The following PRKCB variants were observed in gnomAD, a reference collection of about 807,000 sequenced individuals.
PRKCB encodes protein kinase C beta type.
PRKCB carries 13 observed loss-of-function variants against 81.5 expected under a neutral mutation model. The observed-to-expected ratio is 0.16, with a 90% CI of 0.10 to 0.25. PRKCB has a LOEUF of 0.25. PRKCB is among the 10% of genes least tolerant of loss of function. The pLI is 1.00. For synonymous variants in PRKCB, 335 were observed against 321.4 expected (o/e 1.04, Z -0.45); for missense variants, 509 against 875.7 (o/e 0.58, Z 5.29).
chr16:24,086,622 G>A (rs1158344356), intron 5 of PRKCB, among the ~76,000 whole-genome samples: 2 of 152,210 alleles, frequency 1.3e-5, no homozygotes, highest in Non-Finnish European at 2.9e-5. Context: ...CTTGGAAACT[G>A]TAAAAGCACA....
intron 5 of PRKCB, among the ~76,000 whole-genome samples, chr16:24,089,613 T>A (rs965468711): frequency 1.3e-5 from 2 of 152,030 alleles, no homozygotes; most frequent in Non-Finnish European, 2.9e-5. Flanking sequence ...CTACAAAAAT[T>A]TTTTTAAAAA....
intron 2 of PRKCB, among the ~76,000 whole-genome samples, chr16:23,918,868 A>G (rs1963783030): frequency 6.6e-6 from 1 of 152,260 alleles, no homozygotes; most frequent in Non-Finnish European, 1.5e-5. Flanking sequence ...AACAATGGAT[A>G]AGATCAGCCA....
At position 23,875,504 on chromosome 16, in the gene PRKCB, TATG is replaced by T. The variant is rs1567298308; in HGVS notation, c.205+38102_205+38104del. On this transcript the variant is annotated intron_variant, in intron 2 of 16. Transcript: ENST00000643927. The stretch of plus-strand genomic sequence containing the variant: ...AGATATATATATATATATATATATA[TATG>T]ATGTATATCACACACATATGTGTAT... 4.1e-3 allele frequency among the ~76,000 whole-genome samples: 143 copies of T among 34,674 alleles called. 7 individuals carry two copies. The highest frequency in any genetic ancestry group is 0.022 in the African/African-American group (118 of 5,334). The allele number at this position is 34,674 out of a possible 152,430, so 22.7% of individuals were successfully genotyped here.
intron 2 of PRKCB, among the ~76,000 whole-genome samples, chr16:23,980,107 A>G (rs1269578123): frequency 6.6e-6 from 1 of 152,228 alleles, no homozygotes; most frequent in Non-Finnish European, 1.5e-5. Flanking sequence ...AATGAGAATC[A>G]TAGCACCTTC....
intron 5 of PRKCB, among the ~76,000 whole-genome samples, chr16:24,041,053 A>ATTTTT (rs142356879): frequency 0.089 from 12,179 of 136,636 alleles, 748 homozygotes; most frequent in Middle Eastern, 0.15. Flanking sequence ...TGCAACAATA[A>ATTTTT]TTTTTTTTGT....
chr16:24,009,770 T>C (rs1248792367), intron 3 of PRKCB, among the ~76,000 whole-genome samples: 1 of 151,878 alleles, frequency 6.6e-6, no homozygotes, highest in East Asian at 1.9e-4. Flanking sequence ...TCCCAGCACT[T>C]TGGGAGGCCG....
intron 8 of PRKCB, among the ~76,000 whole-genome samples, chr16:24,122,768 G>A (rs1401976310): frequency 6.6e-6 from 1 of 152,170 alleles, no homozygotes; most frequent in African/African-American, 2.4e-5. Flanking sequence ...CCACACATGA[G>A]CTTTTAACTC....
At chr16:23,876,866 CAG>C (rs1227942276) in intron 2 of PRKCB, among the ~76,000 whole-genome samples, 1 of 152,086 alleles carries the variant, frequency 6.6e-6, no homozygotes, top group East Asian at 1.9e-4. Context: ...ACCTAAGTGA[CAG>C]GGAAGGGTGG....
At chr16:24,051,550 G>A (rs1018263070) in intron 5 of PRKCB, among the ~76,000 whole-genome samples, 1 of 152,124 alleles carries the variant, frequency 6.6e-6, no homozygotes, top group Non-Finnish European at 1.5e-5. Context: ...TCCAGGGTCA[G>A]CAAGGCTCCG....
At chr16:23,916,998 AC>A (rs1318977858) in intron 2 of PRKCB, among the ~76,000 whole-genome samples, 1 of 150,898 alleles carries the variant, frequency 6.6e-6, no homozygotes, top group East Asian at 2.0e-4. Flanking sequence ...CTGGTCTTAA[AC>A]TCCTGGGCTC....
chr16:24,218,810 A>G lies in PRKCB; in HGVS notation c.*3994A>G. On this transcript the variant is annotated 3_prime_UTR_variant, in exon 17 of 17. Transcript: ENST00000643927. Reference sequence around the variant, plus strand: ...CCGGGAATGTGCAGGGCACTAGGGAATACAAGGCCTTCTTCCCTGGTTGTC... The same window carrying G: ...CCGGGAATGTGCAGGGCACTAGGGAGTACAAGGCCTTCTTCCCTGGTTGTC... The G allele has an allele frequency of 1.0e-6, 1 of 985,460 alleles. No homozygotes were observed. The highest frequency in any genetic ancestry group is 1.2e-6 in the Non-Finnish European group (1 of 829,958). The allele number at this position is 985,460 out of a possible 1,614,324, so 61.0% of individuals were successfully genotyped here.
intron 2 of PRKCB, among the ~76,000 whole-genome samples, chr16:23,975,735 C>T (rs1326940260): frequency 2.0e-5 from 3 of 152,106 alleles, no homozygotes; most frequent in Non-Finnish European, 4.4e-5. Context: ...CACCAAGCTC[C>T]TAAATAATAA....
chr16:24,022,442 C>A (rs891986798), intron 3 of PRKCB, among the ~76,000 whole-genome samples: 2 of 152,132 alleles, frequency 1.3e-5, no homozygotes, highest in African/African-American at 2.4e-5. Flanking sequence ...GTTGTCACAG[C>A]TGATGATTTC....
chr16:24,064,994 G>A (rs1361246743), intron 5 of PRKCB, among the ~76,000 whole-genome samples: 3 of 145,870 alleles, frequency 2.1e-5, no homozygotes, highest in African/African-American at 2.5e-5. Context: ...TGGTGTGTGT[G>A]TATATATATA....
chr16:23,918,426 T>C (rs1427352157), intron 2 of PRKCB, among the ~76,000 whole-genome samples: 1 of 152,094 alleles, frequency 6.6e-6, no homozygotes, highest in Non-Finnish European at 1.5e-5. Context: ...AAATAGAGTT[T>C]CACTCTGTCA....
intron 2 of PRKCB, among the ~76,000 whole-genome samples, chr16:23,874,057 A>C (rs1020670647): frequency 2.0e-5 from 3 of 152,176 alleles, no homozygotes. Context: ...TTGCTTGTCT[A>C]TGCTTATAAA....
chr16:24,021,115 C>CTTTTTT (rs1375631928), intron 3 of PRKCB, among the ~76,000 whole-genome samples: 8 of 93,936 alleles, frequency 8.5e-5, no homozygotes, highest in South Asian at 3.7e-4. Flanking sequence ...TTCCTTCTCT[C>CTTTTTT]TCTTTCTTTC....
At chr16:24,021,058 C>CTTT (rs1567346789) in intron 3 of PRKCB, among the ~76,000 whole-genome samples, 56 of 54,272 alleles carry the variant, frequency 1.0e-3, no homozygotes, top group Middle Eastern at 9.8e-3. Context: ...TTCTTTCTTT[C>CTTT]CCTCCCTCCC....
At chr16:23,961,196 C>G (rs928036699) in intron 2 of PRKCB, among the ~76,000 whole-genome samples, 19 of 152,214 alleles carry the variant, frequency 1.2e-4, no homozygotes, top group Admixed American at 4.6e-4. Context: ...GCGTGAGCCA[C>G]TGTGCCCATC....
Sources: gnomAD v4.1 joint callset for allele counts (sites outside exome capture counted in the v4.1 genomes callset) on GRCh38, gnomAD v4.1.1 for gene constraint, MANE v1.5 for transcripts, NCBI Gene and HGNC (gene_info 2026-07-23, HGNC 2026-07-21) for gene names.